Variants in INPP4B observed in about 807,000 individuals in gnomAD.
INPP4B encodes inositol polyphosphate 4-phosphatase type II.
Under a neutral mutation model 122.5 loss-of-function variants are expected in INPP4B, and 55 were observed. That is an observed-to-expected ratio of 0.45 (90% CI 0.36 to 0.56). The LOEUF (loss-of-function observed/expected upper bound fraction) is 0.56, where lower values mean the gene tolerates loss of function less well. INPP4B is among the 20% of genes least tolerant of loss of function. INPP4B has a pLI of 0.00. For missense variants in INPP4B, 1,000 were observed against 1,097.7 expected (o/e 0.91, Z 1.26); for synonymous variants, 403 against 388.7 (o/e 1.04, Z -0.43).
chr4:142,602,140 T>TA (rs1216450617), intron 2 of INPP4B, among the ~76,000 whole-genome samples: 7 of 151,744 alleles, frequency 4.6e-5, no homozygotes, highest in South Asian at 4.2e-4. Flanking sequence ...AGTCTCAGGA[T>TA]AAAAAAATCA....
chr4:142,225,423 T>G (rs1407903850), intron 12 of INPP4B, among the ~76,000 whole-genome samples: 3 of 151,952 alleles, frequency 2.0e-5, no homozygotes, highest in Non-Finnish European at 4.4e-5. Context: ...ACTTCACTTG[T>G]GATCATGTGA....
intron 15 of INPP4B, among the ~76,000 whole-genome samples, chr4:142,178,174 G>A (rs1014657984): frequency 6.6e-6 from 1 of 152,120 alleles, no homozygotes; most frequent in East Asian, 1.9e-4. Flanking sequence ...GATTATGGCA[G>A]GTCCATTTAA....
At chr4:142,227,006 C>T (rs184732119) in intron 12 of INPP4B, among the ~76,000 whole-genome samples, 1 of 152,180 alleles carries the variant, frequency 6.6e-6, no homozygotes, top group East Asian at 1.9e-4. Context: ...GACAAACAAA[C>T]AGAAACATTC....
intron 1 of INPP4B, among the ~76,000 whole-genome samples, chr4:142,812,900 G>A (rs1191987958): frequency 6.6e-6 from 1 of 152,000 alleles, no homozygotes; most frequent in African/African-American, 2.4e-5. Flanking sequence ...TCACATATGG[G>A]GGATTTTCAT....
Position 142,364,401 on chromosome 4 carries a change from C to T in INPP4B, c.372+38537G>A, listed in dbSNP as rs374159561. Among the ~76,000 whole-genome samples, 9 of 151,976 alleles carry T rather than the reference C, an allele frequency of 5.9e-5. No individual in the cohort carries two copies. The South Asian group carries it at 8.3e-4, about 14-fold the overall frequency. The stretch of plus-strand genomic sequence containing the variant: ...CACTTGCAATAGACTCTTGGCCTCA[C>T]GAAAAGTAAAACCTACCCTTTGTCT... On this transcript the variant is annotated intron_variant, in intron 7 of 25. Transcript: ENST00000262992.
intron 12 of INPP4B, among the ~76,000 whole-genome samples, chr4:142,211,029 C>T (rs1024698980): frequency 5.5e-4 from 83 of 152,280 alleles, no homozygotes; most frequent in African/African-American, 1.9e-3. Context: ...ACAATTTATA[C>T]AGAGAAGTAT....
chr4:142,147,433 G>A (rs545275775), intron 17 of INPP4B, among the ~76,000 whole-genome samples: 1 of 152,294 alleles, frequency 6.6e-6, no homozygotes, highest in East Asian at 1.9e-4. Context: ...TTAAAGAAAA[G>A]CAGAACATTC....
At chr4:142,375,329 T>G (rs906153349) in intron 7 of INPP4B, among the ~76,000 whole-genome samples, 13 of 151,884 alleles carry the variant, frequency 8.6e-5, no homozygotes, top group African/African-American at 3.1e-4. Context: ...AAGCTGATCT[T>G]TTCATTCTCC....
At chr4:142,201,159 T>C (rs1840461230) in intron 14 of INPP4B, among the ~76,000 whole-genome samples, 1 of 152,090 alleles carries the variant, frequency 6.6e-6, no homozygotes, top group African/African-American at 2.4e-5. Context: ...AGAGTGGCTT[T>C]GAAGGAAACA....
chr4:142,070,745 A>G (rs1317226697), intron 25 of INPP4B, among the ~76,000 whole-genome samples: 2 of 152,204 alleles, frequency 1.3e-5, no homozygotes, highest in African/African-American at 2.4e-5. Flanking sequence ...CAATTGCTTC[A>G]AAGAGAATAA....
chr4:142,450,168 C>G (rs1813828013), intron 3 of INPP4B, among the ~76,000 whole-genome samples: 2 of 152,122 alleles, frequency 1.3e-5, no homozygotes, highest in South Asian at 4.1e-4. Flanking sequence ...GCTCTGCTGC[C>G]CAACTCTTGG....
At chr4:142,408,687 T>C (rs570087267) in intron 5 of INPP4B, among the ~76,000 whole-genome samples, 1 of 152,324 alleles carries the variant, frequency 6.6e-6, no homozygotes, top group East Asian at 1.9e-4. Flanking sequence ...AGCAATGCTT[T>C]GGGATTTTGC....
chr4:142,794,107 G>GTATC (rs894394837), intron 1 of INPP4B, among the ~76,000 whole-genome samples: 4 of 152,046 alleles, frequency 2.6e-5, no homozygotes, highest in African/African-American at 9.6e-5. Context: ...ATGTATGTAT[G>GTATC]TATCTATCTA....
chr4:142,588,405 C>T lies in INPP4B; in HGVS notation c.-190-125679G>A, dbSNP rs1736690960. On this transcript the variant is annotated intron_variant, in intron 2 of 25. Transcript: ENST00000262992. ...TGACATGACTTATATGTAGAAAATA[C>T]TAAAGAACTAATTACAAGAACAATA... Among the ~76,000 whole-genome samples, 3 of 151,490 alleles carry T rather than the reference C, an allele frequency of 2.0e-5. No individual in the cohort carries two copies. The South Asian group carries it at 6.2e-4, about 31-fold the overall frequency.
At chr4:142,482,018 C>T (rs1258239376) in intron 2 of INPP4B, among the ~76,000 whole-genome samples, 1 of 152,156 alleles carries the variant, frequency 6.6e-6, no homozygotes, top group Non-Finnish European at 1.5e-5. Flanking sequence ...GAATAGAGAG[C>T]AGGACTTCCT....
At chr4:142,670,999 A>G (rs1469499086) in intron 2 of INPP4B, among the ~76,000 whole-genome samples, 2 of 152,154 alleles carry the variant, frequency 1.3e-5, no homozygotes, top group Non-Finnish European at 2.9e-5. Context: ...GTTACAGGGA[A>G]AAAGCAAGAC....
intron 1 of INPP4B, among the ~76,000 whole-genome samples, chr4:142,820,724 C>T (rs918686502): frequency 7.2e-5 from 11 of 152,034 alleles, no homozygotes; most frequent in Admixed American, 2.6e-4. Context: ...CAAGCTGTGA[C>T]GGTGTTGAGA....
At position 142,176,775 on chromosome 4, in the gene INPP4B, G is replaced by A. The variant is rs529842874; in HGVS notation, c.1182-2966C>T. 2.0e-4 allele frequency among the ~76,000 whole-genome samples: 30 copies of A among 152,140 alleles called. No individual in the cohort carries two copies. The South Asian group carries it at 5.8e-3, about 29-fold the overall frequency. On this transcript the variant is annotated intron_variant, in intron 15 of 25. Coordinates refer to ENST00000262992, the MANE Select transcript of INPP4B (RefSeq NM_001101669.3). ...GACAAGCATCTCCAGAGATACCAAC[G>A]CAGGGACGGAGCATCTTTAGAGACA...
At chr4:142,171,303 C>T (rs941930118) in intron 16 of INPP4B, among the ~76,000 whole-genome samples, 36 of 151,804 alleles carry the variant, frequency 2.4e-4, no homozygotes, top group African/African-American at 8.5e-4. Flanking sequence ...TAGATAACTC[C>T]TTAATGTCTT....
Sources: gnomAD v4.1 joint callset for allele counts (sites outside exome capture counted in the v4.1 genomes callset) on GRCh38, gnomAD v4.1.1 for gene constraint, MANE v1.5 for transcripts, NCBI Gene and HGNC (gene_info 2026-07-23, HGNC 2026-07-21) for gene names.